CDON: variants seen among roughly 807,000 people sequenced by gnomAD.
CDON encodes the protein cell adhesion associated, oncogene regulated.
CDON carries 73 observed loss-of-function variants against 120.9 expected under a neutral mutation model. That is an observed-to-expected ratio of 0.60 (90% CI 0.50 to 0.73). The LOEUF (loss-of-function observed/expected upper bound fraction) is 0.73. Ranked by LOEUF, CDON falls within the 30% of genes least tolerant of loss-of-function variation. The pLI is 0.00. For synonymous variants in CDON, 566 were observed against 573.5 expected (o/e 0.99, Z 0.19); for missense variants, 1,470 against 1,587.3 (o/e 0.93, Z 1.26).
At chr11:126,021,867 G>A (rs531142099) in intron 2 of CDON, among the ~76,000 whole-genome samples, 3 of 152,186 alleles carry the variant, frequency 2.0e-5, no homozygotes, top group Admixed American at 6.5e-5. Flanking sequence ...ACTTTGGGAG[G>A]CCAAGGCGGG....
chr11:126,012,464 C>T (rs546173493), intron 7 of CDON, among the ~76,000 whole-genome samples: 3 of 151,732 alleles, frequency 2.0e-5, no homozygotes, highest in South Asian at 2.1e-4. Flanking sequence ...TGCAGTAGTG[C>T]GATCTCAGCT....
intron 16 of CDON, among the ~76,000 whole-genome samples, chr11:125,983,060 G>A (rs1233957217): frequency 2.0e-5 from 3 of 152,158 alleles, no homozygotes; most frequent in East Asian, 3.8e-4. Context: ...GGGAGCATGC[G>A]TGAGAACTGG....
chr11:125,997,146 T>C, intron 12 of CDON, 61 bp downstream of exon 12: 1 of 583,978 alleles, frequency 1.7e-6, no homozygotes, highest in Non-Finnish European at 2.5e-6. Context: ...TCTCAAAATA[T>C]ATAAATATAT....
chr11:125,958,097 A>T lies in CDON; in HGVS notation c.*2845T>A, dbSNP rs1945533664. 6.6e-6 allele frequency: 1 copy of T among 152,246 alleles called. No homozygotes were observed. The highest frequency in any genetic ancestry group is 2.4e-5 in the African/African-American group (1 of 41,466). 9.4% of individuals were successfully genotyped at this position (152,246 alleles called of 1,614,324 possible). A position where few individuals can be genotyped will look rare whatever the true frequency, so the allele number is the denominator to read the frequency against. ...AAGCAGAGCTCTGCCCGCGGAGGCC[A>T]GAGAGCAGCTTCTCTGGCTGCGGAG... On this transcript the variant is annotated 3_prime_UTR_variant, in exon 20 of 20. Coordinates refer to ENST00000531738, the MANE Select transcript of CDON (RefSeq NM_001378964.1).
In CDON at chr11:125,961,761, G is replaced by A. The variant is rs1447309339; in HGVS notation, c.3594C>T (p.Ser1198=). 6 of 1,614,020 alleles carry A rather than the reference G, an allele frequency of 3.7e-6. No homozygotes were observed. The East Asian group carries it at 6.7e-5, about 18-fold the overall frequency. The change falls in exon 19 of 20, where the codon AGC becomes AGT. Residue 1198 remains serine, a synonymous_variant. Coordinates refer to ENST00000531738, the MANE Select transcript of CDON (RefSeq NM_001378964.1). ...CTGCTGGATCTTCTGAGCCATCAGAGCTGACGTCATTTACAATGTCCTGAC... is the reference window on the plus strand; with the variant it reads ...CTGCTGGATCTTCTGAGCCATCAGAACTGACGTCATTTACAATGTCCTGAC... ...TCCQDIVNDV[S]SDGSEDPAEF...
chr11:125,971,159 G>A lies in CDON; in HGVS notation c.3356+7145C>T, dbSNP rs556274808. ...AGTACTTTGGGGGGCCAAGGCGGGCGGATCACGAGGTCAGGAGACCAAGAC... is the reference window on the plus strand; with the variant it reads ...AGTACTTTGGGGGGCCAAGGCGGGCAGATCACGAGGTCAGGAGACCAAGAC... On this transcript the variant is annotated intron_variant, in intron 18 of 19. Coordinates refer to ENST00000531738, the MANE Select transcript of CDON (RefSeq NM_001378964.1). Among the ~76,000 whole-genome samples, 23 of 152,178 alleles carry A rather than the reference G, an allele frequency of 1.5e-4. No individual in the cohort carries two copies. The South Asian group carries it at 1.9e-3, about 12-fold the overall frequency.
At chr11:126,007,167 G>A (rs561946523) in intron 8 of CDON, among the ~76,000 whole-genome samples, 7 of 152,258 alleles carry the variant, frequency 4.6e-5, no homozygotes, top group Admixed American at 2.6e-4. Flanking sequence ...AGCAAACAAC[G>A]TACTACTTTT....
At chr11:125,991,619 T>C (rs1946632652) in intron 14 of CDON, among the ~76,000 whole-genome samples, 1 of 152,024 alleles carries the variant, frequency 6.6e-6, no homozygotes, top group African/African-American at 2.4e-5. Flanking sequence ...TTTTCAAAAG[T>C]TTAAATTTTG....
At chr11:126,039,290 G>T (rs1032683974) in intron 1 of CDON, among the ~76,000 whole-genome samples, 7 of 152,068 alleles carry the variant, frequency 4.6e-5, no homozygotes, top group African/African-American at 1.7e-4. Context: ...CCCAAACTTT[G>T]GGATTTTAAT....
At position 125,978,323 on chromosome 11, in the gene CDON, T is replaced by A; in HGVS notation, c.3337A>T (p.Asn1113Tyr). The A allele has an allele frequency of 6.2e-7, 1 of 1,606,276 alleles. No homozygotes were observed. The highest frequency in any genetic ancestry group is 2.2e-5 in the East Asian group (1 of 44,856). Residue 1113 changes from asparagine to tyrosine, a missense_variant, in exon 18 of 20, where the codon AAT (asparagine) becomes TAT (tyrosine). Transcript: ENST00000531738. The part of the protein sequence containing the change: ...IDPLECVNCR[N>Y]CRNNNRCFTK... ...ACATACCTATTGTTGTTTCGACAAT[T>A]TCGGCAGTTAACACACTCCAGAGGG...
At chr11:126,014,479 A>G (rs75511608) in intron 7 of CDON, among the ~76,000 whole-genome samples, 15,817 of 152,220 alleles carry the variant, frequency 0.1, 849 homozygotes, top group Admixed American at 0.13. Flanking sequence ...GTGTACACTG[A>G]TAACGACTAT....
At chr11:126,003,031 G>A (rs910407639) in intron 10 of CDON, among the ~76,000 whole-genome samples, 6 of 152,012 alleles carry the variant, frequency 3.9e-5, no homozygotes, top group African/African-American at 1.2e-4. Context: ...GATGTCGACC[G>A]CTCATTGAGG....
rs754875783 is a variant in CDON at position 126,017,071 on chromosome 11, A to G, written c.928+17T>C. On this transcript the variant is annotated intron_variant, in intron 6 of 19. Coordinates refer to ENST00000531738, the MANE Select transcript of CDON (RefSeq NM_001378964.1). ...AAAATGGCTTCATTTGAAAAAAATT[A>G]AAAACTAACATCTTACCAAGTACAT... The G allele has an allele frequency of 3.1e-6, 5 of 1,609,914 alleles. No homozygotes were observed. Among genetic ancestry groups the G allele is most frequent in the Non-Finnish European group, 4.2e-6 (5 of 1,177,118 alleles).
chr11:126,021,667 A>C, intron 2 of CDON, 147 bp from the exon 3 acceptor site: 2 of 765,094 alleles, frequency 2.6e-6, no homozygotes, highest in Admixed American at 5.8e-5. Flanking sequence ...GATGCTTGTA[A>C]AAGTTCTAGC....
At chr11:125,994,746 C>T (rs938439151) in intron 13 of CDON, 125 bp downstream of exon 13, 2 of 802,198 alleles carry the variant, frequency 2.5e-6, no homozygotes, top group Admixed American at 2.0e-5. Context: ...AATATTGGTG[C>T]CCTTGCACTT....
At chr11:125,961,178 C>A in intron 19 of CDON, 73 bp from the exon 20 acceptor site, 2 of 1,372,716 alleles carry the variant, frequency 1.5e-6, no homozygotes. Context: ...CTAAAAACTT[C>A]TTCACACTTT....
At chr11:125,972,162 G>C (rs757767818) in intron 18 of CDON, among the ~76,000 whole-genome samples, 3 of 152,100 alleles carry the variant, frequency 2.0e-5, no homozygotes. Flanking sequence ...GCGGTAGCTC[G>C]CGCCTGTAAT....
At chr11:126,051,652 C>CT (rs66575795) in intron 1 of CDON, among the ~76,000 whole-genome samples, 45,063 of 139,854 alleles carry the variant, frequency 0.32, 7,572 homozygotes, top group Middle Eastern at 0.45. Context: ...TATTTTTTTT[C>CT]TTTTTTTTTT....
intron 18 of CDON, among the ~76,000 whole-genome samples, chr11:125,970,702 G>A (rs1333542331): frequency 6.6e-6 from 1 of 152,178 alleles, no homozygotes; most frequent in African/African-American, 2.4e-5. Flanking sequence ...TCTATCAGCA[G>A]CTGTCACATA....
Sources: gnomAD v4.1 joint callset for allele counts (sites outside exome capture counted in the v4.1 genomes callset) on GRCh38, gnomAD v4.1.1 for gene constraint, MANE v1.5 for transcripts, NCBI Gene and HGNC (gene_info 2026-07-23, HGNC 2026-07-21) for gene names.